MECOM: variants seen among roughly 807,000 people sequenced by gnomAD.
MECOM encodes the protein MDS1 and EVI1 complex locus.
Under a neutral mutation model 116.3 loss-of-function variants are expected in MECOM, and 13 were observed. That is an observed-to-expected ratio of 0.11 (90% confidence interval 0.07 to 0.18). The LOEUF (loss-of-function observed/expected upper bound fraction) is 0.18, where lower values mean the gene tolerates loss of function less well. MECOM is among the 10% of genes least tolerant of loss of function. The pLI, the probability that MECOM is intolerant of heterozygous loss-of-function variation, is 1.00. For synonymous variants in MECOM, 528 were observed against 535.2 expected, an observed-to-expected ratio of 0.99 and a Z score of 0.19; for missense variants, 1,299 against 1,509.0, an observed-to-expected ratio of 0.86 and a Z score of 2.31.
intron 2 of MECOM, among the ~76,000 whole-genome samples, chr3:169,221,775 C>T (rs560370193): frequency 4.6e-5 from 7 of 152,152 alleles, no homozygotes; most frequent in African/African-American, 1.4e-4. Context: ...TCATTATCTA[C>T]GTATCCACTT....
chr3:169,637,648 C>A (rs890841157), intron 1 of MECOM, among the ~76,000 whole-genome samples: 3 of 152,220 alleles, frequency 2.0e-5, no homozygotes, highest in Non-Finnish European at 2.9e-5. Context: ...TCTTACGTAA[C>A]TGCAAATTCA....
intron 1 of MECOM, among the ~76,000 whole-genome samples, chr3:169,516,709 A>G (rs1756672137): frequency 6.6e-6 from 1 of 152,116 alleles, no homozygotes; most frequent in Admixed American, 6.6e-5. Context: ...ATTCTCTTCC[A>G]TCACATGTTT....
chr3:169,181,927 G>A (rs904203002), intron 2 of MECOM, among the ~76,000 whole-genome samples: 3 of 152,128 alleles, frequency 2.0e-5, no homozygotes, highest in Non-Finnish European at 2.9e-5. Context: ...TTTTTTGCAG[G>A]TTATTATGAG....
chr3:169,644,717 T>G (rs924304245), intron 1 of MECOM, among the ~76,000 whole-genome samples: 1 of 152,192 alleles, frequency 6.6e-6, no homozygotes, highest in Non-Finnish European at 1.5e-5. Context: ...AAAACTCAAG[T>G]GATCATTTTG....
chr3:169,281,374 G>A (rs1269193658), intron 2 of MECOM, among the ~76,000 whole-genome samples: 1 of 152,096 alleles, frequency 6.6e-6, no homozygotes, highest in Non-Finnish European at 1.5e-5. Context: ...TATACTGATT[G>A]GCTGTAAGAG....
chr3:169,128,241 A>G (rs763661221), intron 4 of MECOM, among the ~76,000 whole-genome samples, 181 bp from the exon 5 acceptor site: 6 of 152,244 alleles, frequency 3.9e-5, no homozygotes, highest in Non-Finnish European at 7.3e-5. Context: ...CTGGAACAAT[A>G]ACATAAGCAA....
chr3:169,582,285 A>C (rs775454195), intron 1 of MECOM, among the ~76,000 whole-genome samples: 90 of 152,104 alleles, frequency 5.9e-4, no homozygotes, highest in Admixed American at 2.1e-3. Context: ...GGAGGGAGAA[A>C]GGAAAGGACT....
In MECOM at chr3:169,087,148, G is replaced by T. The variant is rs1718041855; in HGVS notation, c.3585+1852C>A. On this transcript the variant is annotated intron_variant, in intron 16 of 16. Transcript: ENST00000651503. ...GTTGGGACTTTATGTCAAAATGCTG[G>T]TACTAAAATGTATTATAATTATATC... is the stretch of plus-strand genomic sequence containing the variant. Among the ~76,000 whole-genome samples, 3 of 152,106 alleles carry T rather than the reference G, an allele frequency of 2.0e-5. No homozygotes were observed. The South Asian group carries it at 6.2e-4, about 32-fold the overall frequency.
In MECOM at chr3:169,663,518, CT is replaced by C. The variant is rs1386912112; in HGVS notation, c.-147del. 119 of 675,454 alleles carry C rather than the reference CT, an allele frequency of 1.8e-4. No individual in the cohort carries two copies. Among genetic ancestry groups the C allele is most frequent in the South Asian group, 2.9e-4 (16 of 54,584 alleles). The allele number at this position is 675,454 out of a possible 1,614,324, so 41.8% of individuals were successfully genotyped here. On this transcript the variant is annotated 5_prime_UTR_variant, in exon 1 of 17. Transcript: ENST00000651503. The stretch of plus-strand genomic sequence containing the variant: ...TCTCTCTCTCTCTCTCTCTCTCTCT[CT>C]CTCTCTCTCTCCCTCCCTCCTGTTT...
intron 2 of MECOM, among the ~76,000 whole-genome samples, chr3:169,281,429 G>A (rs1711974960): frequency 6.6e-6 from 1 of 152,138 alleles, no homozygotes; most frequent in Admixed American, 6.5e-5. Flanking sequence ...GAACTCTAAA[G>A]CATGATCCCA....
chr3:169,252,380 AGT>A (rs1264020753), intron 2 of MECOM, among the ~76,000 whole-genome samples: 28 of 152,108 alleles, frequency 1.8e-4, no homozygotes, highest in Admixed American at 7.2e-4. Flanking sequence ...AAGAACAGAA[AGT>A]GTGTTCTGGT....
intron 1 of MECOM, among the ~76,000 whole-genome samples, chr3:169,567,441 A>AC (rs1369246459): frequency 6.6e-6 from 1 of 152,152 alleles, no homozygotes; most frequent in Non-Finnish European, 1.5e-5. Flanking sequence ...CACAAATGCA[A>AC]CCTCCTCTGA....
intron 2 of MECOM, among the ~76,000 whole-genome samples, chr3:169,219,103 G>A (rs1278407096): frequency 6.6e-6 from 1 of 152,156 alleles, no homozygotes; most frequent in Non-Finnish European, 1.5e-5. Context: ...AAACATCGAA[G>A]TATCACAGAA....
intron 1 of MECOM, among the ~76,000 whole-genome samples, chr3:169,421,761 C>G (rs966805194): frequency 2.6e-5 from 4 of 151,750 alleles, no homozygotes; most frequent in Admixed American, 6.6e-5. Flanking sequence ...TGGAAGATAT[C>G]ACTGCTCAGG....
intron 1 of MECOM, among the ~76,000 whole-genome samples, chr3:169,479,273 G>A (rs1750931637): frequency 7.0e-6 from 1 of 143,396 alleles, no homozygotes; most frequent in Non-Finnish European, 1.6e-5. Context: ...GGATGTGAGT[G>A]TGTGTGTGTG....
intron 2 of MECOM, among the ~76,000 whole-genome samples, chr3:169,183,201 G>T (rs563058894): frequency 1.3e-5 from 2 of 152,286 alleles, no homozygotes; most frequent in Admixed American, 1.3e-4. Flanking sequence ...GCTATGTGAT[G>T]GGGATAGAGA....
chr3:169,650,915 C>T (rs1774819947), intron 1 of MECOM, among the ~76,000 whole-genome samples: 1 of 151,954 alleles, frequency 6.6e-6, no homozygotes, highest in Non-Finnish European at 1.5e-5. Context: ...GGATCTTCTG[C>T]CTTTAAAAAG....
intron 8 of MECOM, among the ~76,000 whole-genome samples, chr3:169,114,238 T>A (rs73029147): frequency 0.029 from 4,399 of 152,174 alleles, 202 homozygotes; most frequent in African/African-American, 0.1. Context: ...GCCAAACTAA[T>A]TGAGATATAA....
chr3:169,621,964 G>A (rs1770788654), intron 1 of MECOM, among the ~76,000 whole-genome samples: 1 of 152,154 alleles, frequency 6.6e-6, no homozygotes, highest in Non-Finnish European at 1.5e-5. Flanking sequence ...CTCCAATCAA[G>A]AGACAAGACA....
Sources: allele counts gnomAD v4.1 joint callset (sites outside exome capture counted in the v4.1 genomes callset), GRCh38; gene constraint gnomAD v4.1.1; transcripts MANE v1.5; gene names NCBI Gene and HGNC (gene_info 2026-07-23, HGNC 2026-07-21).